NTRK3: variants seen among roughly 807,000 people sequenced by gnomAD.
NTRK3 encodes the protein neurotrophic receptor tyrosine kinase 3.
In NTRK3, 24 loss-of-function variants were observed where a neutral mutation model predicts 91.7. The ratio of observed to expected loss-of-function variants is 0.26; its 90% CI spans 0.19 to 0.37. The LOEUF (loss-of-function observed/expected upper bound fraction) is 0.37. Ranked by LOEUF, NTRK3 falls within the 10% of genes least tolerant of loss-of-function variation. The pLI, the probability that NTRK3 is intolerant of heterozygous loss-of-function variation, is 1.00. For synonymous variants in NTRK3, 483 were observed against 404.0 expected (o/e 1.20, Z -2.34); for missense variants, 880 against 1,068.9 (o/e 0.82, Z 2.46).
At chr15:88,115,262 T>C (rs1301626891) in intron 13 of NTRK3, among the ~76,000 whole-genome samples, 2 of 152,188 alleles carry the variant, frequency 1.3e-5, no homozygotes, top group African/African-American at 2.4e-5. Flanking sequence ...TCCCTCAGGT[T>C]GGCATGCCCC....
intron 17 of NTRK3, among the ~76,000 whole-genome samples, chr15:87,902,752 C>A (rs1350677961): frequency 2.0e-5 from 3 of 152,100 alleles, no homozygotes; most frequent in Non-Finnish European, 4.4e-5. Context: ...CTAGAAAATT[C>A]GACTCTCAAG....
At chr15:88,037,220 A>T (rs1420240035) in intron 13 of NTRK3, among the ~76,000 whole-genome samples, 1 of 152,196 alleles carries the variant, frequency 6.6e-6, no homozygotes, top group Non-Finnish European at 1.5e-5. Context: ...GGAAAAAGAG[A>T]ACTGCCAGAG....
chr15:88,035,981 A>T (rs2142065222), intron 13 of NTRK3, among the ~76,000 whole-genome samples: 1 of 152,312 alleles, frequency 6.6e-6, no homozygotes, highest in Non-Finnish European at 1.5e-5. Flanking sequence ...GGTGGTAAAT[A>T]AAAAAGGAAA....
At chr15:88,175,258 G>A (rs1244457912) in intron 5 of NTRK3, among the ~76,000 whole-genome samples, 1 of 152,176 alleles carries the variant, frequency 6.6e-6, no homozygotes, top group African/African-American at 2.4e-5. Flanking sequence ...CCAGCTAATG[G>A]AGCAGCCTCC....
intron 6 of NTRK3, among the ~76,000 whole-genome samples, chr15:88,143,629 T>C (rs544068199): frequency 3.9e-5 from 6 of 152,326 alleles, no homozygotes; most frequent in South Asian, 2.1e-4. Context: ...GGATTCATGA[T>C]AATATATGTT....
At chr15:88,249,263 C>T (rs1820993507) in intron 3 of NTRK3, among the ~76,000 whole-genome samples, 1 of 152,196 alleles carries the variant, frequency 6.6e-6, no homozygotes, top group Non-Finnish European at 1.5e-5. Context: ...CAGAGCTCAG[C>T]AGAAGGCCTC....
intron 13 of NTRK3, among the ~76,000 whole-genome samples, chr15:88,083,114 C>A (rs545170340): frequency 6.6e-6 from 1 of 152,324 alleles, no homozygotes; most frequent in African/African-American, 2.4e-5. Context: ...CCCACCTTCT[C>A]CTGATTTCAA....
chr15:88,151,784 A>G (rs1266309141), intron 5 of NTRK3, among the ~76,000 whole-genome samples: 1 of 152,174 alleles, frequency 6.6e-6, no homozygotes. Context: ...TTCTACTGGT[A>G]GAGGCAGGCT....
intron 5 of NTRK3, among the ~76,000 whole-genome samples, chr15:88,172,065 G>T (rs181176171): frequency 6.6e-6 from 1 of 152,234 alleles, no homozygotes; most frequent in South Asian, 2.1e-4. Context: ...CCATCTGGGA[G>T]ACCCAGTACC....
intron 13 of NTRK3, among the ~76,000 whole-genome samples, chr15:88,097,313 T>C (rs78390654): frequency 0.05 from 7,565 of 152,296 alleles, 270 homozygotes; most frequent in Non-Finnish European, 0.076. Context: ...TTAATGCTGT[T>C]AGCATGACAA....
At chr15:88,088,707 T>C (rs1394474047) in intron 13 of NTRK3, among the ~76,000 whole-genome samples, 3 of 152,158 alleles carry the variant, frequency 2.0e-5, no homozygotes, top group Admixed American at 1.3e-4. Flanking sequence ...ATGTGGACTG[T>C]GAAGTGAATC....
At chr15:87,933,713 T>G (rs2069007735) in intron 15 of NTRK3, among the ~76,000 whole-genome samples, 1 of 152,232 alleles carries the variant, frequency 6.6e-6, no homozygotes, top group South Asian at 2.1e-4. Context: ...GGTATCTACA[T>G]TTGCAGAGGA....
intron 17 of NTRK3, among the ~76,000 whole-genome samples, chr15:87,922,812 C>T (rs560108245): frequency 5.5e-4 from 84 of 152,246 alleles, no homozygotes; most frequent in African/African-American, 2.0e-3. Context: ...TGTTTTTCTT[C>T]TAGATGTGTT....
chr15:88,204,793 G>A (rs2048600117), intron 3 of NTRK3, among the ~76,000 whole-genome samples: 1 of 152,124 alleles, frequency 6.6e-6, no homozygotes, highest in East Asian at 1.9e-4. Flanking sequence ...ATTCACTGGG[G>A]GCGTGCCACC....
intron 5 of NTRK3, among the ~76,000 whole-genome samples, chr15:88,153,800 T>C (rs1461000743): frequency 6.6e-6 from 1 of 151,936 alleles, no homozygotes; most frequent in Non-Finnish European, 1.5e-5. Flanking sequence ...GGGCCTCTTT[T>C]ATAGAGCACT....
At chr15:88,089,678 C>CCTTCCAGCCTTGACTCTGTACT (rs1271378999) in intron 13 of NTRK3, among the ~76,000 whole-genome samples, 1 of 152,324 alleles carries the variant, frequency 6.6e-6, no homozygotes. Flanking sequence ...TCCTGACCCT[C>CCTTCCAGCCTTGACTCTGTACT]CTTCCAGCCT....
chr15:88,131,213 T>C (rs1256128308), intron 10 of NTRK3, among the ~76,000 whole-genome samples: 1 of 152,234 alleles, frequency 6.6e-6, no homozygotes, highest in Non-Finnish European at 1.5e-5. Flanking sequence ...CTACACAGCC[T>C]CCTGCCTCAG....
At chr15:88,058,489 G>A (rs1293527384) in intron 13 of NTRK3, among the ~76,000 whole-genome samples, 1 of 152,156 alleles carries the variant, frequency 6.6e-6, no homozygotes, top group African/African-American at 2.4e-5. Context: ...AGGTCAAACA[G>A]GGGAAGTTCT....
At chr15:87,881,075 T>G (rs2065218561) in intron 17 of NTRK3, among the ~76,000 whole-genome samples, 1 of 152,194 alleles carries the variant, frequency 6.6e-6, no homozygotes, top group African/African-American at 2.4e-5. Flanking sequence ...CTAAGGAGGA[T>G]ATCAACCACC....
Sources: allele counts gnomAD v4.1 joint callset (sites outside exome capture counted in the v4.1 genomes callset), GRCh38; gene constraint gnomAD v4.1.1; transcripts MANE v1.5; gene names NCBI Gene and HGNC (gene_info 2026-07-23, HGNC 2026-07-21).